ZNF169: variants seen among roughly 807,000 people sequenced by gnomAD.
The protein encoded by ZNF169 is zinc finger protein 169.
ZNF169 carries 11 observed loss-of-function variants against 12.0 expected under a neutral mutation model. The ratio of observed to expected loss-of-function variants is 0.92; its 90% confidence interval spans 0.58 to 1.52. The LOEUF (loss-of-function observed/expected upper bound fraction) is 1.52. Ranked by LOEUF, ZNF169 falls within the 40% of genes most tolerant of loss-of-function variation. ZNF169 has a pLI of 0.00. For synonymous variants in ZNF169, 302 were observed against 286.5 expected, an observed-to-expected ratio of 1.05 and a Z score of -0.55; for missense variants, 722 against 744.0, an observed-to-expected ratio of 0.97 and a Z score of 0.34.
At chr9:94,299,751 C>T in intron 4 of ZNF169, 64 bp from the exon 5 acceptor site, 1 of 1,536,188 alleles carries the variant, frequency 6.5e-7, no homozygotes, top group Non-Finnish European at 8.7e-7. Flanking sequence ...AAGAAAACTG[C>T]TGGGCAGGTA....
At chr9:94,291,997 C>CA (rs1296281443) in intron 2 of ZNF169, among the ~76,000 whole-genome samples, 1 of 152,212 alleles carries the variant, frequency 6.6e-6, no homozygotes, top group African/African-American at 2.4e-5. Flanking sequence ...TAGAAAGGCA[C>CA]AGGCACAGGC....
intron 2 of ZNF169, among the ~76,000 whole-genome samples, chr9:94,281,733 A>G (rs1016162512): frequency 1.3e-5 from 2 of 152,194 alleles, no homozygotes; most frequent in African/African-American, 2.4e-5. Context: ...GAAAGGCGGG[A>G]CAACTCAAAG....
In ZNF169 at chr9:94,301,537, T is replaced by C; in HGVS notation, c.*167T>C. On this transcript the variant is annotated 3_prime_UTR_variant, in exon 5 of 5. Transcript: ENST00000395395. ...ACAATTTGTCTTGGCTTGCTAGGGG[T>C]TCCATAACAAAGTACCCCAGGCTGG... 1.5e-6 allele frequency: 2 copies of C among 1,305,034 alleles called. No individual in the cohort carries two copies. The allele number at this position is 1,305,034 out of a possible 1,614,324, so 80.8% of individuals were successfully genotyped here. A position where few individuals can be genotyped will look rare whatever the true frequency, so the allele number is the denominator to read the frequency against.
chr9:94,287,856 T>C (rs746196165), intron 2 of ZNF169: 7 of 1,036,476 alleles, frequency 6.8e-6, no homozygotes, highest in Non-Finnish European at 9.1e-6. Flanking sequence ...AGCCGAGAAG[T>C]AGGCGTCAGG....
chr9:94,293,333 C>T (rs554850775), intron 4 of ZNF169: 52 of 592,454 alleles, frequency 8.8e-5, no homozygotes, highest in African/African-American at 7.6e-4. Context: ...CAGGATTTCT[C>T]CATTCTTGGG....
intron 2 of ZNF169, among the ~76,000 whole-genome samples, chr9:94,279,639 CAA>C (rs1172436255): frequency 1.5e-5 from 2 of 136,748 alleles, no homozygotes. Context: ...GACTCTGTCT[CAA>C]AAAAAAAAAA....
intron 4 of ZNF169, among the ~76,000 whole-genome samples, chr9:94,296,435 CTAAAG>C (rs1378793159): frequency 1.3e-5 from 2 of 152,174 alleles, no homozygotes; most frequent in East Asian, 1.9e-4. Flanking sequence ...AAATTTTAGT[CTAAAG>C]TAAGGTCAAA....
chr9:94,281,707 A>G (rs1345876883), intron 2 of ZNF169, among the ~76,000 whole-genome samples: 2 of 152,210 alleles, frequency 1.3e-5, no homozygotes, highest in East Asian at 3.8e-4. Context: ...CTTAAGAAAT[A>G]CATTGGTTTG....
At chr9:94,266,788 A>AT (rs1208428336) in intron 1 of ZNF169, among the ~76,000 whole-genome samples, 9 of 152,014 alleles carry the variant, frequency 5.9e-5, no homozygotes, top group Non-Finnish European at 1.3e-4. Context: ...TTGAAACATA[A>AT]TTTTTCTCTT....
chr9:94,280,672 G>T (rs1427552145), intron 2 of ZNF169, among the ~76,000 whole-genome samples: 1 of 152,192 alleles, frequency 6.6e-6, no homozygotes, highest in Non-Finnish European at 1.5e-5. Flanking sequence ...AGGGGAAGGG[G>T]TTCTTATTCC....
rs1226931469 is a variant in ZNF169 at position 94,300,343 on chromosome 9, A to G, written c.785A>G (p.Tyr262Cys). 1.2e-6 allele frequency: 2 copies of G among 1,613,814 alleles called. No individual in the cohort carries two copies. Among genetic ancestry groups the G allele is most frequent in the East Asian group, 2.2e-5 (1 of 44,868 alleles). ...HQRTHTGEKP[Y>C]LCPECGRRFS... Reference sequence around the variant, plus strand: ...AGGACACACACCGGGGAGAAGCCATACCTGTGTCCTGAGTGTGGGCGTCGG... The same window carrying G: ...AGGACACACACCGGGGAGAAGCCATGCCTGTGTCCTGAGTGTGGGCGTCGG... Residue 262 changes from tyrosine to cysteine, a missense_variant, in exon 5 of 5, where the codon TAC (tyrosine) becomes TGC (cysteine). Physicochemically the swap from Tyr to Cys is radical, Grantham distance 194. Transcript: ENST00000395395.
rs1831079127 is a variant in ZNF169 at position 94,301,538 on chromosome 9, T to A, written c.*168T>A. On this transcript the variant is annotated 3_prime_UTR_variant, in exon 5 of 5. Coordinates refer to ENST00000395395, the MANE Select transcript of ZNF169 (RefSeq NM_194320.4). The stretch of plus-strand genomic sequence containing the variant: ...CAATTTGTCTTGGCTTGCTAGGGGT[T>A]CCATAACAAAGTACCCCAGGCTGGG... 1 of 1,293,482 alleles carries A rather than the reference T, an allele frequency of 7.7e-7. No individual in the cohort carries two copies. 80.1% of individuals were successfully genotyped at this position (1,293,482 alleles called of 1,614,324 possible). A position where few individuals can be genotyped will look rare whatever the true frequency, so the allele number is the denominator to read the frequency against.
chr9:94,300,872 T>G lies in ZNF169; in HGVS notation c.1314T>G (p.Gly438=), dbSNP rs1176664150. 7.9e-6 allele frequency: 12 copies of G among 1,516,686 alleles called. No homozygotes were observed. Among genetic ancestry groups the G allele is most frequent in the African/African-American group, 1.9e-5 (1 of 51,888 alleles). The allele number at this position is 1,516,686 out of a possible 1,614,324, so 94.0% of individuals were successfully genotyped here. A position where few individuals can be genotyped will look rare whatever the true frequency, so the allele number is the denominator to read the frequency against. The stretch of plus-strand genomic sequence containing the variant: ...ACCTGTGCCCCCAGTGTGGGCGGGG[T>G]TTTAGCCAGAAGGTCACCCTCATTG... The part of the protein sequence containing the change: ...KPYLCPQCGR[G]FSQKVTLIGH... Residue 438 remains glycine (G), a synonymous_variant, in exon 5 of 5, where the codon GGT becomes GGG. Coordinates refer to ENST00000395395, the MANE Select transcript of ZNF169 (RefSeq NM_194320.4).
intron 1 of ZNF169, among the ~76,000 whole-genome samples, chr9:94,259,882 A>G (rs901504915): frequency 9.5e-5 from 14 of 146,792 alleles, no homozygotes; most frequent in African/African-American, 3.0e-4. Flanking sequence ...TTATTTGTTT[A>G]TTTATTAAAT....
At position 94,300,568 on chromosome 9, in the gene ZNF169, A is replaced by C; in HGVS notation, c.1010A>C (p.Gln337Pro). 1 of 1,614,152 alleles carries C rather than the reference A, an allele frequency of 6.2e-7. No individual in the cohort carries two copies. Among genetic ancestry groups the C allele is most frequent in the Non-Finnish European group, 8.5e-7 (1 of 1,179,996 alleles). Residue 337 changes from glutamine (Q) to proline (P), a missense_variant, in exon 5 of 5, where the codon CAG becomes CCG. Coordinates refer to ENST00000395395, the MANE Select transcript of ZNF169 (RefSeq NM_194320.4). ...CAGAAGATAGCCCTCCTTCTACACC[A>C]GAGGACGCACTTGGAGGAGAAGCCC... is the stretch of plus-strand genomic sequence containing the variant. ...FRQKIALLLHQRTHLEEKPFV... is the reference protein window; with the variant it reads ...FRQKIALLLHPRTHLEEKPFV...
At chr9:94,296,419 TTTAAGAAA>T (rs1159614300) in intron 4 of ZNF169, among the ~76,000 whole-genome samples, 1 of 152,234 alleles carries the variant, frequency 6.6e-6, no homozygotes, top group African/African-American at 2.4e-5. Flanking sequence ...TGGTAGTGTA[TTTAAGAAA>T]TTTTAGTCTA....
chr9:94,279,950 AC>A (rs1448955236), intron 2 of ZNF169, among the ~76,000 whole-genome samples: 1 of 152,242 alleles, frequency 6.6e-6, no homozygotes, highest in Non-Finnish European at 1.5e-5. Flanking sequence ...CAGCATGTGA[AC>A]TTGATGTAGC....
At chr9:94,292,275 A>G in intron 2 of ZNF169, 66 bp from the exon 3 acceptor site, 4 of 1,612,638 alleles carry the variant, frequency 2.5e-6, no homozygotes, top group Non-Finnish European at 3.4e-6. Flanking sequence ...GACTGTGGTT[A>G]GTGGCTTAAG....
chr9:94,278,008 A>G (rs1358304413), intron 1 of ZNF169, among the ~76,000 whole-genome samples: 1 of 151,972 alleles, frequency 6.6e-6, no homozygotes, highest in Non-Finnish European at 1.5e-5. Context: ...CTCATCACAT[A>G]TTGAATTGTC....
Sources: allele counts gnomAD v4.1 joint callset (sites outside exome capture counted in the v4.1 genomes callset), GRCh38; gene constraint gnomAD v4.1.1; transcripts MANE v1.5; gene names NCBI Gene and HGNC (gene_info 2026-07-23, HGNC 2026-07-21).